ZNF722: variants seen among roughly 807,000 people sequenced by gnomAD.
ZNF722 encodes the protein zinc finger protein 722.
At chr7:64,002,402 G>C in the ZNF722 span, among the ~76,000 whole-genome samples, 1 of 152,050 alleles carries the variant, frequency 6.6e-6, no homozygotes, top group African/African-American at 2.4e-5. Flanking sequence ...CTAGTATGTT[G>C]TATTTTGGCT....
the ZNF722 span, chr7:64,005,667 G>A: frequency 4.1e-6 from 6 of 1,467,128 alleles, no homozygotes; most frequent in Non-Finnish European, 2.9e-6. Flanking sequence ...GAGTGGCAAT[G>A]CCTGGATTGT....
chr7:64,009,030 A>G, the ZNF722 span, among the ~76,000 whole-genome samples: 1 of 152,124 alleles, frequency 6.6e-6, no homozygotes, highest in Admixed American at 6.6e-5. Context: ...TTCACTCATG[A>G]TTTGGCTCTC....
the ZNF722 span, among the ~76,000 whole-genome samples, chr7:64,013,884 G>T: frequency 6.6e-6 from 1 of 151,404 alleles, no homozygotes; most frequent in African/African-American, 2.4e-5. Context: ...TCTTTATTTT[G>T]TAGTACATTT....
the ZNF722 span, among the ~76,000 whole-genome samples, chr7:64,013,518 TAAA>T: frequency 1.3e-5 from 2 of 149,222 alleles, no homozygotes; most frequent in African/African-American, 2.5e-5. Flanking sequence ...TTTAAACTGG[TAAA>T]AAAAAAATGA....
At chr7:64,005,576 A>G in the ZNF722 span, 1 of 865,946 alleles carries the variant, frequency 1.2e-6, no homozygotes, top group African/African-American at 1.7e-5. Context: ...AACTGTGTTC[A>G]TGAGTGTTTT....
the ZNF722 span, among the ~76,000 whole-genome samples, chr7:64,017,193 G>T: frequency 3.9e-5 from 6 of 152,160 alleles, no homozygotes; most frequent in African/African-American, 1.2e-4. Flanking sequence ...AGACCAGCCT[G>T]GCCAACATGG....
the ZNF722 span, among the ~76,000 whole-genome samples, chr7:64,004,425 A>AAAAAAAAATATAT: frequency 3.3e-5 from 2 of 61,112 alleles, no homozygotes; most frequent in African/African-American, 8.0e-5. Context: ...AAAAAAAAAA[A>AAAAAAAAATATAT]ATATATATAT....
the ZNF722 span, chr7:64,005,783 C>G: frequency 9.8e-6 from 14 of 1,425,902 alleles, no homozygotes; most frequent in African/African-American, 1.5e-4. Context: ...TTGCCTTTCT[C>G]TCTTTTCTAA....
At chr7:64,016,694 G>GA in the ZNF722 span, among the ~76,000 whole-genome samples, 1 of 152,040 alleles carries the variant, frequency 6.6e-6, no homozygotes, top group African/African-American at 2.4e-5. Context: ...TGAAACTGTA[G>GA]AAAAAAATGT....
chr7:64,011,191 G>T, the ZNF722 span, among the ~76,000 whole-genome samples: 1 of 152,070 alleles, frequency 6.6e-6, no homozygotes, highest in African/African-American at 2.4e-5. Context: ...GATGGGTCTT[G>T]ACTCTTTATC....
At chr7:64,015,419 C>T in the ZNF722 span, 288 of 1,574,864 alleles carry the variant, frequency 1.8e-4, no homozygotes, top group African/African-American at 2.2e-3. Context: ...GTGAAGAATG[C>T]GGCAAATCCT....
chr7:64,015,373 A>G, the ZNF722 span: 6 of 1,504,270 alleles, frequency 4.0e-6, no homozygotes, highest in Non-Finnish European at 5.5e-6. Context: ...CTAAATCAAC[A>G]TCAGATAATT....
the ZNF722 span, among the ~76,000 whole-genome samples, chr7:64,016,702 T>TG: frequency 6.6e-6 from 1 of 152,104 alleles, no homozygotes; most frequent in Non-Finnish European, 1.5e-5. Context: ...TAGAAAAAAA[T>TG]GTGGCAAAGC....
chr7:64,009,354 G>A, the ZNF722 span, among the ~76,000 whole-genome samples: 13 of 152,128 alleles, frequency 8.5e-5, no homozygotes, highest in South Asian at 8.3e-4. Flanking sequence ...GTTTTTGCCC[G>A]TTCAGTATGA....
chr7:64,003,737 A>G, the ZNF722 span, among the ~76,000 whole-genome samples: 1 of 152,354 alleles, frequency 6.6e-6, no homozygotes, highest in African/African-American at 2.4e-5. Context: ...TATACCATGC[A>G]GAATTCTCAC....
At chr7:64,013,999 T>G in the ZNF722 span, among the ~76,000 whole-genome samples, 1 of 152,150 alleles carries the variant, frequency 6.6e-6, no homozygotes, top group Admixed American at 6.6e-5. Flanking sequence ...ATTCACTGGT[T>G]GTCTCGGAGG....
chr7:64,003,185 G>T, the ZNF722 span, among the ~76,000 whole-genome samples: 2 of 152,184 alleles, frequency 1.3e-5, no homozygotes, highest in Non-Finnish European at 2.9e-5. Flanking sequence ...GGTCAGTGCG[G>T]TTCATGCTCC....
At chr7:64,002,040 G>T in the ZNF722 span, among the ~76,000 whole-genome samples, 2 of 151,778 alleles carry the variant, frequency 1.3e-5, no homozygotes, top group African/African-American at 2.4e-5. Flanking sequence ...TGTGCTGCAC[G>T]CCCAGCTAAT....
At chr7:64,009,728 C>T in the ZNF722 span, among the ~76,000 whole-genome samples, 1 of 152,088 alleles carries the variant, frequency 6.6e-6, no homozygotes, top group Non-Finnish European at 1.5e-5. Context: ...CTCTGCCAGG[C>T]TTTGGTATCA....
Sources: gnomAD v4.1 joint callset for allele counts (sites outside exome capture counted in the v4.1 genomes callset) on GRCh38, gnomAD v4.1.1 for gene constraint, MANE v1.5 for transcripts, NCBI Gene and HGNC (gene_info 2026-07-23, HGNC 2026-07-21) for gene names.